The following PLEKHG4B variants were observed in gnomAD, a reference collection of about 807,000 sequenced individuals.
PLEKHG4B encodes pleckstrin homology and RhoGEF domain containing G4B.
In PLEKHG4B, 111 loss-of-function variants were observed where a neutral mutation model predicts 121.3. The observed-to-expected ratio is 0.92, with a 90% CI of 0.78 to 1.07. PLEKHG4B has a LOEUF of 1.07. PLEKHG4B is among the 50% of genes least tolerant of loss of function. PLEKHG4B has a pLI of 0.00. For synonymous variants in PLEKHG4B, 738 were observed against 725.0 expected (o/e 1.02, Z -0.29); for missense variants, 1,831 against 1,757.8 (o/e 1.04, Z -0.74).
intron 3 of PLEKHG4B, 120 bp from the exon 4 acceptor site, chr5:142,927 C>T (rs868758242): frequency 3.6e-5 from 35 of 968,818 alleles, no homozygotes; most frequent in South Asian, 7.6e-5. Context: ...CAAGTTTTCT[C>T]GGAACCCCCT....
chr5:162,610 T>A (rs1432952793), intron 12 of PLEKHG4B, 112 bp from the exon 13 acceptor site: 1 of 796,278 alleles, frequency 1.3e-6, no homozygotes, highest in African/African-American at 1.8e-5. Flanking sequence ...CTCGCTCTGC[T>A]TTCTGGCCCC....
At chr5:98,856 T>TC (rs1397529350) in intron 1 of PLEKHG4B, among the ~76,000 whole-genome samples, 2 of 138,640 alleles carry the variant, frequency 1.4e-5, no homozygotes, top group East Asian at 2.1e-4. Flanking sequence ...TTTTTTTTTT[T>TC]CAAAAAAAAT....
At position 164,610 on chromosome 5, in the gene PLEKHG4B, C is replaced by T. The variant is rs1344709279; in HGVS notation, c.3476+1062C>T. ...TAATGCTGTGACGGAGCGGAGCTCA[C>T]AGTAATGCTGTGACGGAGCGGAGCT... On this transcript the variant is annotated intron_variant, in intron 13 of 19. Coordinates refer to ENST00000637938, the MANE Select transcript of PLEKHG4B (RefSeq NM_052909.5). Among the ~76,000 whole-genome samples the T allele has an allele frequency of 2.1e-5, 3 of 141,964 alleles. 1 individual carries two copies. Among genetic ancestry groups the T allele is most frequent in the African/African-American group, 7.8e-5 (3 of 38,664 alleles). The allele number at this position is 141,964 out of a possible 152,430, so 93.1% of individuals were successfully genotyped here.
chr5:151,576 C>G lies in PLEKHG4B; in HGVS notation c.1969C>G (p.Pro657Ala), dbSNP rs367943486. The stretch of plus-strand genomic sequence containing the variant: ...GGTAGATAAAGAATCTGCATTTAGG[C>G]CTGACAAGGATGCAATAATTCAGGT... The part of the protein sequence containing the change: ...LLVDKESAFR[P>A]DKDAIIQCEV... Residue 657 changes from proline (P) to alanine (A), a missense_variant, in exon 7 of 20, where the codon CCT (proline) becomes GCT (alanine). By Grantham distance (27) the Pro-to-Ala change is conservative (BLOSUM62 -1). Coordinates refer to ENST00000637938, the MANE Select transcript of PLEKHG4B (RefSeq NM_052909.5). 1.3e-6 allele frequency: 2 copies of G among 1,589,146 alleles called. No individual in the cohort carries two copies. Among genetic ancestry groups the G allele is most frequent in the Non-Finnish European group, 1.7e-6 (2 of 1,158,806 alleles).
chr5:98,837 C>CTTT (rs925964165), intron 1 of PLEKHG4B, among the ~76,000 whole-genome samples: 1 of 79,292 alleles, frequency 1.3e-5, no homozygotes, highest in African/African-American at 5.2e-5. Context: ...TTGAATTTTC[C>CTTT]TTTTTTTTTT....
chr5:140,012 C>T lies in PLEKHG4B; in HGVS notation c.773C>T (p.Thr258Met), dbSNP rs890467074. 1.3e-4 allele frequency: 54 copies of T among 410,868 alleles called. No homozygotes were observed. Among genetic ancestry groups the T allele is most frequent in the South Asian group, 1.0e-4 (1 of 9,636 alleles). 25.5% of individuals were successfully genotyped at this position (410,868 alleles called of 1,614,324 possible). Reference protein sequence around the residue: ...TLTSPCRRGHTGSDQLRHLPY... With the variant: ...TLTSPCRRGHMGSDQLRHLPY... ...ACCTCACCCTGCCGCCGAGGGCATA[C>T]GGGCAGCGACCAGCTCAGGCACCTT... The change falls in exon 3 of 20, where the codon ACG (threonine) becomes ATG (methionine). Residue 258 changes from threonine to methionine, a missense_variant. Thr to Met is a moderately conservative substitution (Grantham distance 81, BLOSUM62 -1). Coordinates refer to ENST00000637938, the MANE Select transcript of PLEKHG4B (RefSeq NM_052909.5).
chr5:171,153 C>T (rs1463942315), intron 15 of PLEKHG4B, 21 bp downstream of exon 15: 15 of 1,609,640 alleles, frequency 9.3e-6, no homozygotes, highest in Non-Finnish European at 1.1e-5. Context: ...TCGGCCCGCC[C>T]CCCACAGCCT....
chr5:162,712 T>C lies in PLEKHG4B; in HGVS notation c.2650-10T>C, dbSNP rs1736059248. On this transcript the variant is annotated splice_polypyrimidine_tract_variant and intron_variant, in intron 12 of 19. Coordinates refer to ENST00000637938, the MANE Select transcript of PLEKHG4B (RefSeq NM_052909.5). Reference sequence around the variant, plus strand: ...CCACTGCACTGAGCAGAGCCCTCCTTGTCCCACAGGTGAGCAGCTGGATGG... The same window carrying C: ...CCACTGCACTGAGCAGAGCCCTCCTCGTCCCACAGGTGAGCAGCTGGATGG... 6.9e-7 allele frequency: 1 copy of C among 1,443,628 alleles called. No homozygotes were observed. The highest frequency in any genetic ancestry group is 9.1e-7 in the Non-Finnish European group (1 of 1,096,448). 89.4% of individuals were successfully genotyped at this position (1,443,628 alleles called of 1,614,324 possible).
At chr5:119,146 C>T (rs1734393891) in intron 2 of PLEKHG4B, among the ~76,000 whole-genome samples, 1 of 152,092 alleles carries the variant, frequency 6.6e-6, no homozygotes, top group Admixed American at 6.6e-5. Flanking sequence ...AGGTGTGCGC[C>T]ACCATGCCCA....
chr5:169,316 C>T (rs754116999), intron 13 of PLEKHG4B, 24 bp from the exon 14 acceptor site: 9 of 1,612,426 alleles, frequency 5.6e-6, no homozygotes, highest in Non-Finnish European at 7.6e-6. Flanking sequence ...GCCGTGTGCC[C>T]CCCGGGATCT....
rs760143617 is a variant in PLEKHG4B at position 156,935 on chromosome 5, GC to G, written c.2487+27del. 6.2e-7 allele frequency: 1 copy of G among 1,609,016 alleles called. No individual in the cohort carries two copies. The highest frequency in any genetic ancestry group is 8.5e-7 in the Non-Finnish European group (1 of 1,178,364). Reference sequence around the variant, plus strand: ...AGGTCAGAGCTGCAGGAGGAAGGCGGCCCGGTCAGCATCCCCTCCAGGCCAG... The same window carrying G: ...AGGTCAGAGCTGCAGGAGGAAGGCGGCCGGTCAGCATCCCCTCCAGGCCAG... On this transcript the variant is annotated intron_variant, in intron 11 of 19. Coordinates refer to ENST00000637938, the MANE Select transcript of PLEKHG4B (RefSeq NM_052909.5). This position sits in a 1 kb window ranked among gnomAD's most constrained non-coding sequence, Gnocchi z 4.4.
At chr5:116,472 A>G (rs1734310894) in intron 2 of PLEKHG4B, among the ~76,000 whole-genome samples, 1 of 152,270 alleles carries the variant, frequency 6.6e-6, no homozygotes, top group African/African-American at 2.4e-5. Flanking sequence ...CATTATCTGC[A>G]GAGCTCAATC....
At chr5:155,864 C>G (rs369713773) in intron 9 of PLEKHG4B, among the ~76,000 whole-genome samples, 51 of 152,126 alleles carry the variant, frequency 3.4e-4, no homozygotes, top group African/African-American at 1.1e-3. Flanking sequence ...AGCTTTGAGC[C>G]CCCTTCTTCT....
Position 162,831 on chromosome 5 carries a change from TC to T in PLEKHG4B, c.2763del (p.Ala923GlnfsTer6). ...GCTACCTCGGTGGCTGCAGAGGCCTTCCCCGGGGCAGGTGTGGCAGTGCTGA... is the reference window on the plus strand; with the variant it reads ...GCTACCTCGGTGGCTGCAGAGGCCTTCCCGGGGCAGGTGTGGCAGTGCTGA... Reference protein sequence around the residue: ...QEATSVAAEAFPGAGVAVLKP... With the variant: ...QEATSVAAEAXPGAGVAVLKP... On this transcript the variant is annotated frameshift_variant, in exon 13 of 20. Coordinates refer to ENST00000637938, the MANE Select transcript of PLEKHG4B (RefSeq NM_052909.5). LOFTEE classifies it high-confidence loss of function. 1.3e-6 allele frequency: 2 copies of T among 1,511,854 alleles called. No homozygotes were observed. The highest frequency in any genetic ancestry group is 2.2e-5 in the Admixed American group (1 of 45,162). The allele number at this position is 1,511,854 out of a possible 1,614,324, so 93.7% of individuals were successfully genotyped here.
At position 181,503 on chromosome 5, in the gene PLEKHG4B, TTC is replaced by T; in HGVS notation, c.4403-9_4403-8del. On this transcript the variant is annotated splice_polypyrimidine_tract_variant and intron_variant, in intron 18 of 19. Transcript: ENST00000637938. ...TTGCTTTGGAAACTGTCATACTTTCTTCTGTCTTAGAACTCAGAATCCAAGAA... is the reference window on the plus strand; with the variant it reads ...TTGCTTTGGAAACTGTCATACTTTCTTGTCTTAGAACTCAGAATCCAAGAA... 1 of 1,611,588 alleles carries T rather than the reference TTC, an allele frequency of 6.2e-7. No homozygotes were observed. Among genetic ancestry groups the T allele is most frequent in the Non-Finnish European group, 8.5e-7 (1 of 1,178,660 alleles).
At chr5:119,649 C>T (rs747474178) in intron 2 of PLEKHG4B, among the ~76,000 whole-genome samples, 11 of 152,166 alleles carry the variant, frequency 7.2e-5, no homozygotes, top group South Asian at 2.1e-4. Flanking sequence ...AAGGACCAAA[C>T]TGTGGAGAGA....
At chr5:168,386 G>A (rs890987) in intron 13 of PLEKHG4B, among the ~76,000 whole-genome samples, 7 of 152,182 alleles carry the variant, frequency 4.6e-5, no homozygotes, top group East Asian at 1.9e-4. Flanking sequence ...TGCAGCCCCC[G>A]AGTACCCCTG....
At chr5:167,696 G>A (rs1043147127) in intron 13 of PLEKHG4B, among the ~76,000 whole-genome samples, 7 of 152,162 alleles carry the variant, frequency 4.6e-5, no homozygotes, top group African/African-American at 9.7e-5. Context: ...GGAGAGTCCC[G>A]CCGCCCAGGC....
At chr5:118,920 G>A (rs984688225) in intron 2 of PLEKHG4B, among the ~76,000 whole-genome samples, 1 of 151,420 alleles carries the variant, frequency 6.6e-6, no homozygotes, top group Non-Finnish European at 1.5e-5. Context: ...GTGCGATCAT[G>A]GCTCACTACA....
Sources: allele counts gnomAD v4.1 joint callset (sites outside exome capture counted in the v4.1 genomes callset), GRCh38; gene constraint gnomAD v4.1.1; non-coding constraint Gnocchi (gnomAD v3.1); transcripts MANE v1.5; gene names NCBI Gene and HGNC (gene_info 2026-07-23, HGNC 2026-07-21).